ACP5: variants seen among roughly 807,000 people sequenced by gnomAD.
The protein encoded by ACP5 is acid phosphatase 5, tartrate resistant.
ACP5 carries 24 observed loss-of-function variants against 28.7 expected under a neutral mutation model. The ratio of observed to expected loss-of-function variants is 0.84; its 90% confidence interval spans 0.61 to 1.18. The LOEUF is 1.18. ACP5 is among the 50% of genes most tolerant of loss of function. The pLI, the probability that ACP5 is intolerant of heterozygous loss-of-function variation, is 0.00. For synonymous variants in ACP5, 154 were observed against 181.4 expected (o/e 0.85, Z 1.21); for missense variants, 354 against 422.2 (o/e 0.84, Z 1.42).
rs3035420 is a variant in ACP5 at position 11,576,006 on chromosome 19, C to CAAAAAAA, written c.735+230_735+236dup. On this transcript the variant is annotated intron_variant, in intron 4 of 4. Coordinates refer to ENST00000648477, the MANE Select transcript of ACP5 (RefSeq NM_001611.5). ...GTGAAAAACAATGAAACCTTGTCTC[C>CAAAAAAA]AAAAAAAAAAAAAAAAAAGAGCTTA... 3.7e-3 allele frequency among the ~76,000 whole-genome samples: 195 copies of CAAAAAAA among 52,462 alleles called. 1 individual carries two copies. Among genetic ancestry groups the CAAAAAAA allele is most frequent in the Non-Finnish European group, 5.1e-3 (143 of 28,098 alleles). The allele number at this position is 52,462 out of a possible 152,430, so 34.4% of individuals were successfully genotyped here. A position where few individuals can be genotyped will look rare whatever the true frequency, so the allele number is the denominator to read the frequency against.
chr19:11,575,192 G>A lies in ACP5; in HGVS notation c.796C>T (p.Pro266Ser). ...VLSGAGNFMD[P>S]SKRHQRKVPN... is the part of the protein sequence containing the mutation. ...ACCTTGCGCTGGTGCCGCTTTGAGG[G>A]GTCCATGAAATTCCCAGCCCCACTC... Residue 266 changes from proline (P) to serine (S), a missense_variant, in exon 5 of 5, where the codon CCC becomes TCC. By Grantham distance (74) the Pro-to-Ser change is moderately conservative (BLOSUM62 -1). Coordinates refer to ENST00000648477, the MANE Select transcript of ACP5 (RefSeq NM_001611.5). 6.2e-7 allele frequency: 1 copy of A among 1,614,046 alleles called. No homozygotes were observed. The highest frequency in any genetic ancestry group is 8.5e-7 in the Non-Finnish European group (1 of 1,180,034).
chr19:11,576,864 A>G (rs767255534), intron 2 of ACP5, 21 bp from the exon 3 acceptor site: 2 of 1,613,952 alleles, frequency 1.2e-6, no homozygotes. Context: ...CAGATAGGGC[A>G]GGCCTCTTCC....
rs144419140 is a variant in ACP5 at position 11,576,812 on chromosome 19, G to A, written c.293C>T (p.Ser98Phe). 4 of 1,613,982 alleles carry A rather than the reference G, an allele frequency of 2.5e-6. No individual in the cohort carries two copies. Among genetic ancestry groups the A allele is most frequent in the Non-Finnish European group, 1.7e-6 (2 of 1,180,016 alleles). Residue 98 changes from serine to phenylalanine, a missense_variant, in exon 3 of 5, where the codon TCC becomes TTC. Coordinates refer to ENST00000648477, the MANE Select transcript of ACP5 (RefSeq NM_001611.5). ...CACGTACCAGGGCACTTTGCGAAGG[G>A]AGCGGTCAGAGAATACGTCCTCAAA... The part of the protein sequence containing the change: ...ETFEDVFSDR[S>F]LRKVPWYVLA...
In ACP5 at chr19:11,577,602, G is replaced by A. The variant is rs773629343; in HGVS notation, c.-10C>T. 4 of 540,970 alleles carry A rather than the reference G, an allele frequency of 7.4e-6. No individual in the cohort carries two copies. The highest frequency in any genetic ancestry group is 1.3e-5 in the Non-Finnish European group (4 of 298,994). The allele number at this position is 540,970 out of a possible 1,614,324, so 33.5% of individuals were successfully genotyped here. A position where few individuals can be genotyped will look rare whatever the true frequency, so the allele number is the denominator to read the frequency against. On this transcript the variant is annotated 5_prime_UTR_variant, in exon 1 of 5. Transcript: ENST00000648477. This position sits in a 1 kb window ranked among gnomAD's most constrained non-coding sequence, Gnocchi z 5.7. ...CCTGCCCAGCACTCACCCAGGGGGA[G>A]ACACAGGCCAGTCACCGGAGGCTCT...
chr19:11,576,138 G>A, intron 4 of ACP5, 105 bp downstream of exon 4: 1 of 918,786 alleles, frequency 1.1e-6, no homozygotes, highest in African/African-American at 1.6e-5. Context: ...ACATTCTGAA[G>A]GCCACAGGAG....
upstream of ACP5, chr19:11,578,953 G>C (rs550450409): frequency 7.5e-4 from 115 of 152,336 alleles, no homozygotes; most frequent in African/African-American, 2.7e-3. Flanking sequence ...CGCCCTGCTC[G>C]AGGGCTCAGG....
At chr19:11,578,132 G>A (rs539540872), upstream of ACP5, 2 of 152,814 alleles carry the variant, frequency 1.3e-5, no homozygotes, top group East Asian at 1.9e-4. Context: ...CTGAGCCTGC[G>A]AGGCCTGTGT....
Position 11,574,994 on chromosome 19 carries a change from G to A in ACP5, c.*16C>T, listed in dbSNP as rs1973072027. The A allele has an allele frequency of 6.2e-7, 1 of 1,613,956 alleles. No homozygotes were observed. Among genetic ancestry groups the A allele is most frequent in the Non-Finnish European group, 8.5e-7 (1 of 1,179,970 alleles). On this transcript the variant is annotated 3_prime_UTR_variant, in exon 5 of 5. Coordinates refer to ENST00000648477, the MANE Select transcript of ACP5 (RefSeq NM_001611.5). ...ACAGTGGAGATCGGGCCTCAGAGCT[G>A]GGCAGTCATGGGAGTTCAGGGCCTG...
Position 11,576,025 on chromosome 19 carries a change from G to A in ACP5, c.735+218C>T, listed in dbSNP as rs4994983. On this transcript the variant is annotated intron_variant, in intron 4 of 4. Transcript: ENST00000648477. ...TGTCTCCAAAAAAAAAAAAAAAAAA[G>A]AGCTTAAAAAAGAAAGAAAGAAAGA... is the stretch of plus-strand genomic sequence containing the variant. 0.13 allele frequency among the ~76,000 whole-genome samples: 14,353 copies of A among 106,372 alleles called. 945 individuals carry two copies. Among genetic ancestry groups the A allele is most frequent in the Middle Eastern group, 0.21 (43 of 206 alleles). The allele number at this position is 106,372 out of a possible 152,430, so 69.8% of individuals were successfully genotyped here. A position where few individuals can be genotyped will look rare whatever the true frequency, so the allele number is the denominator to read the frequency against.
Position 11,577,207 on chromosome 19 carries a change from G to A in ACP5, c.111C>T (p.Val37=). The A allele has an allele frequency of 6.2e-7, 1 of 1,614,180 alleles. No individual in the cohort carries two copies. Among genetic ancestry groups the A allele is most frequent in the Non-Finnish European group, 8.5e-7 (1 of 1,180,018 alleles). ...GGGCCGTGTGGAATGGGGCATTGGG[G>A]ACCCCTCCCCAGTCACCCACGGCTA... is the stretch of plus-strand genomic sequence containing the variant. ...RFVAVGDWGG[V]PNAPFHTARE... Residue 37 remains valine (V), a synonymous_variant, in exon 2 of 5, where the codon GTC becomes GTT. Transcript: ENST00000648477. The surrounding 1 kb of genome is among the most constrained non-coding windows in gnomAD (Gnocchi z 5.7).
At chr19:11,577,675 A>T (rs1973225391), upstream of ACP5, 3 of 401,862 alleles carry the variant, frequency 7.5e-6, no homozygotes, top group Non-Finnish European at 1.4e-5. The surrounding 1 kb of genome is among the most constrained non-coding windows in gnomAD (Gnocchi z 5.7). Context: ...CTGAGCCTTT[A>T]TTCCCTGAGG....
chr19:11,576,731 T>G lies in ACP5; in HGVS notation c.374A>C (p.Lys125Thr). The G allele has an allele frequency of 3.1e-6, 5 of 1,613,948 alleles. No individual in the cohort carries two copies. Among genetic ancestry groups the G allele is most frequent in the Non-Finnish European group, 4.2e-6 (5 of 1,179,958 alleles). Residue 125 changes from lysine (K) to threonine (T), a missense_variant, in exon 3 of 5, where the codon AAG (lysine) becomes ACG (threonine). Physicochemically the swap from Lys to Thr is moderately conservative, Grantham distance 78 (BLOSUM62 -1). Coordinates refer to ENST00000648477, the MANE Select transcript of ACP5 (RefSeq NM_001611.5). ...GNVSAQIAYSKISKRWNFPSP... is the reference protein window; with the variant it reads ...GNVSAQIAYSTISKRWNFPSP... ...GGTGGCTCACCAGCGCTTGGAGATC[T>G]TAGAGTATGCAATCTGGGCAGAGAC...
chr19:11,574,739 C>G lies in ACP5; in HGVS notation c.*271G>C. 2.4e-6 allele frequency: 1 copy of G among 419,650 alleles called. No individual in the cohort carries two copies. The highest frequency in any genetic ancestry group is 4.5e-6 in the Non-Finnish European group (1 of 222,706). 26.0% of individuals were successfully genotyped at this position (419,650 alleles called of 1,614,324 possible). On this transcript the variant is annotated 3_prime_UTR_variant, in exon 5 of 5. Transcript: ENST00000648477. ...TTTAGGAGGAAGCTTTCCCTCCCTC[C>G]CTCCCCCATTGCACCCCGGAACTCA...
chr19:11,576,657 A>G, intron 3 of ACP5, 59 bp downstream of exon 3: 1 of 1,613,890 alleles, frequency 6.2e-7, no homozygotes, highest in Admixed American at 1.7e-5. Flanking sequence ...CTCAAGCCAC[A>G]GGGCCCCTGT....
chr19:11,576,224 C>A lies in ACP5; in HGVS notation c.735+19G>T. ...GGACCCCCCTCACCCAGCTCCCACC[C>A]CACCCACAGGGCCCTCACCTGCAGA... On this transcript the variant is annotated intron_variant, in intron 4 of 4. Transcript: ENST00000648477. 6.2e-7 allele frequency: 1 copy of A among 1,600,114 alleles called. No individual in the cohort carries two copies. The highest frequency in any genetic ancestry group is 2.2e-5 in the East Asian group (1 of 44,776).
chr19:11,577,735 C>T (rs991050571), upstream of ACP5: 6 of 274,948 alleles, frequency 2.2e-5, no homozygotes, highest in African/African-American at 4.4e-5. The surrounding 1 kb of genome is among the most constrained non-coding windows in gnomAD (Gnocchi z 5.7). Context: ...AGGGCTGTCC[C>T]GGGAGCCCTC....
Position 11,577,198 on chromosome 19 carries a change from G to T in ACP5, c.120C>A (p.Ala40=). Residue 40 remains alanine (A), a synonymous_variant, in exon 2 of 5, where the codon GCC becomes GCA. Coordinates refer to ENST00000648477, the MANE Select transcript of ACP5 (RefSeq NM_001611.5). This position sits in a 1 kb window ranked among gnomAD's most constrained non-coding sequence, Gnocchi z 5.7. The part of the protein sequence containing the change: ...AVGDWGGVPN[A]PFHTAREMAN... ...CCATTTCCCGGGCCGTGTGGAATGG[G>T]GCATTGGGGACCCCTCCCCAGTCAC... 1 of 1,614,196 alleles carries T rather than the reference G, an allele frequency of 6.2e-7. No homozygotes were observed. The highest frequency in any genetic ancestry group is 8.5e-7 in the Non-Finnish European group (1 of 1,180,038).
upstream of ACP5, chr19:11,577,680 C>T (rs1300462362): frequency 5.1e-6 from 2 of 389,940 alleles, no homozygotes; most frequent in Non-Finnish European, 9.7e-6. This position sits in a 1 kb window ranked among gnomAD's most constrained non-coding sequence, Gnocchi z 5.7. Flanking sequence ...CCTTTATTCC[C>T]TGAGGAGGAA....
At chr19:11,578,861 G>T (rs527744644), upstream of ACP5, 1 of 152,406 alleles carries the variant, frequency 6.6e-6, no homozygotes, top group African/African-American at 2.4e-5. Flanking sequence ...CGCGGGGCGG[G>T]CGTTGCGGCC....
Sources: gnomAD v4.1 joint callset for allele counts (sites outside exome capture counted in the v4.1 genomes callset) on GRCh38, gnomAD v4.1.1 for gene constraint, Gnocchi (gnomAD v3.1) non-coding constraint, MANE v1.5 for transcripts, NCBI Gene and HGNC (gene_info 2026-07-23, HGNC 2026-07-21) for gene names.